The following B3GALT1 variants were observed in gnomAD, a reference collection of about 807,000 sequenced individuals.
B3GALT1 encodes the protein beta-1,3-galactosyltransferase 1.
In B3GALT1, 10 loss-of-function variants were observed where a neutral mutation model predicts 23.2. The observed-to-expected ratio is 0.43, with a 90% confidence interval of 0.27 to 0.73. B3GALT1 has a LOEUF of 0.73. B3GALT1 is among the 30% of genes least tolerant of loss of function. B3GALT1 has a pLI of 0.21. For synonymous variants in B3GALT1, 156 were observed against 141.5 expected, an observed-to-expected ratio of 1.10 and a Z score of -0.73; for missense variants, 299 against 405.4, an observed-to-expected ratio of 0.74 and a Z score of 2.25.
At chr2:167,815,015 T>G (rs1184278374) in intron 3 of B3GALT1, 2 of 152,268 alleles carry the variant, frequency 1.3e-5, no homozygotes, top group Non-Finnish European at 2.9e-5. Flanking sequence ...CCCAAGCCCA[T>G]GCAAGCTGGC....
rs566154169 is a variant in B3GALT1 at position 167,620,815 on chromosome 2, T to C, written c.-409-26094T>C. Among the ~76,000 whole-genome samples the C allele has an allele frequency of 4.6e-5, 7 of 152,238 alleles. No individual in the cohort carries two copies. In the East Asian group the frequency reaches 1.4e-3, roughly 30 times the overall value. ...TTAATTCATTTATTCATTTGACATATATTTAATTGGCTTTCAATGGCTGTT... is the reference window on the plus strand; with the variant it reads ...TTAATTCATTTATTCATTTGACATACATTTAATTGGCTTTCAATGGCTGTT... On this transcript the variant is annotated intron_variant, in intron 2 of 4. Coordinates refer to ENST00000392690, the MANE Select transcript of B3GALT1 (RefSeq NM_020981.4).
chr2:167,817,562 C>CAG (rs10585259), intron 3 of B3GALT1, among the ~76,000 whole-genome samples: 2 of 152,092 alleles, frequency 1.3e-5, no homozygotes, highest in Admixed American at 1.3e-4. Context: ...ATCATAGAAA[C>CAG]AGAGAGTCTT....
chr2:167,714,007 A>C, intron 3 of B3GALT1: 1 of 1,546,320 alleles, frequency 6.5e-7, no homozygotes. Context: ...AGCCGGGGCC[A>C]GTTGCTTCAT....
chr2:167,770,890 A>G (rs1480727782), intron 3 of B3GALT1, among the ~76,000 whole-genome samples: 4 of 152,234 alleles, frequency 2.6e-5, no homozygotes, highest in African/African-American at 4.8e-5. Context: ...CAAAGGTTGC[A>G]TCTCCCAGTG....
intron 1 of B3GALT1, among the ~76,000 whole-genome samples, chr2:167,316,910 G>A (rs1028400986): frequency 6.6e-6 from 1 of 152,026 alleles, no homozygotes; most frequent in African/African-American, 2.4e-5. Context: ...AATTTTGAAG[G>A]CACTAACAAA....
At chr2:167,830,807 T>C (rs1330848423) in intron 4 of B3GALT1, among the ~76,000 whole-genome samples, 1 of 152,198 alleles carries the variant, frequency 6.6e-6, no homozygotes, top group Non-Finnish European at 1.5e-5. Flanking sequence ...ACATGCACAG[T>C]CTAATTCATT....
chr2:167,671,490 CAAAT>C (rs1686325030), intron 3 of B3GALT1, among the ~76,000 whole-genome samples: 1 of 151,648 alleles, frequency 6.6e-6, no homozygotes. Flanking sequence ...TATAAAAAGA[CAAAT>C]CAATAAGAGA....
At chr2:167,396,505 C>G (rs939980772) in intron 1 of B3GALT1, among the ~76,000 whole-genome samples, 2 of 137,734 alleles carry the variant, frequency 1.5e-5, no homozygotes, top group Non-Finnish European at 3.1e-5. Flanking sequence ...TTCTTTTAAT[C>G]AAAAGTCTGC....
chr2:167,676,516 TAC>T (rs34764364), intron 3 of B3GALT1, among the ~76,000 whole-genome samples: 23,984 of 145,020 alleles, frequency 0.17, 2,197 homozygotes, highest in East Asian at 0.36. Context: ...TGTATGTTTA[TAC>T]ACACACACAC....
At chr2:167,667,535 C>G (rs187022789) in intron 3 of B3GALT1, among the ~76,000 whole-genome samples, 2,529 of 152,262 alleles carry the variant, frequency 0.017, 65 homozygotes, top group African/African-American at 0.057. Context: ...GGATAATATC[C>G]TGCAGAGTGT....
chr2:167,488,013 C>G (rs1456082853), intron 1 of B3GALT1, among the ~76,000 whole-genome samples: 1 of 152,016 alleles, frequency 6.6e-6, no homozygotes. Context: ...TGTAAAATGC[C>G]TTAGGACATA....
chr2:167,448,057 C>T (rs1018095587), intron 1 of B3GALT1, among the ~76,000 whole-genome samples: 3 of 152,120 alleles, frequency 2.0e-5, no homozygotes, highest in Non-Finnish European at 4.4e-5. Flanking sequence ...CATGTTTTTG[C>T]AATTGCCAAT....
intron 2 of B3GALT1, among the ~76,000 whole-genome samples, chr2:167,610,910 C>CCA (rs759975218): frequency 2.2e-5 from 2 of 91,976 alleles, no homozygotes; most frequent in African/African-American, 8.7e-5. Flanking sequence ...TTTATTTGTA[C>CCA]AAAAAAAAAA....
intron 3 of B3GALT1, among the ~76,000 whole-genome samples, chr2:167,732,269 T>C (rs180683318): frequency 1.3e-4 from 20 of 152,346 alleles, no homozygotes; most frequent in African/African-American, 4.3e-4. Context: ...ATAAGCTTTA[T>C]TGATATTGTA....
intron 3 of B3GALT1, among the ~76,000 whole-genome samples, chr2:167,677,086 AAG>A (rs1376669980): frequency 6.6e-6 from 1 of 152,146 alleles, no homozygotes; most frequent in Non-Finnish European, 1.5e-5. Context: ...GGGTAGGAAA[AAG>A]GGGGTGTAGG....
At chr2:167,407,527 T>C (rs2091100) in intron 1 of B3GALT1, among the ~76,000 whole-genome samples, 142,242 of 151,770 alleles carry the variant, frequency 0.94, 67,043 homozygotes, top group Non-Finnish European at 0.99. Flanking sequence ...CAATACAATA[T>C]AGAATATGAA....
chr2:167,459,540 C>A (rs1340885473), intron 1 of B3GALT1, among the ~76,000 whole-genome samples: 1 of 152,060 alleles, frequency 6.6e-6, no homozygotes, highest in African/African-American at 2.4e-5. Context: ...TGTGGAGTTA[C>A]AAACCAAAGT....
intron 4 of B3GALT1, among the ~76,000 whole-genome samples, chr2:167,851,293 A>G (rs1234670388): frequency 1.3e-5 from 2 of 152,214 alleles, no homozygotes; most frequent in Non-Finnish European, 2.9e-5. Flanking sequence ...AGGCAAACCA[A>G]AAGGTGATAA....
At chr2:167,673,032 T>TAA (rs61070688) in intron 3 of B3GALT1, among the ~76,000 whole-genome samples, 16 of 141,608 alleles carry the variant, frequency 1.1e-4, no homozygotes, top group East Asian at 4.1e-4. Flanking sequence ...AGGTGCAAAA[T>TAA]AAAAAAAAAA....
Sources: gnomAD v4.1 joint callset for allele counts (sites outside exome capture counted in the v4.1 genomes callset) on GRCh38, gnomAD v4.1.1 for gene constraint, MANE v1.5 for transcripts, NCBI Gene and HGNC (gene_info 2026-07-23, HGNC 2026-07-21) for gene names.